The following TLK2 variants were observed in gnomAD, a reference collection of about 807,000 sequenced individuals.
The protein encoded by TLK2 is serine/threonine-protein kinase tousled-like 2.
TLK2 carries 6 observed loss-of-function variants against 117.3 expected under a neutral mutation model. The ratio of observed to expected loss-of-function variants is 0.05; its 90% CI spans 0.03 to 0.10. TLK2 has a LOEUF of 0.10. Ranked by LOEUF, TLK2 falls within the 10% of genes least tolerant of loss-of-function variation. The pLI is 1.00. For missense variants in TLK2, 299 were observed against 901.2 expected (o/e 0.33, Z 8.56); for synonymous variants, 257 against 316.7 (o/e 0.81, Z 2.00).
intron 19 of TLK2, among the ~76,000 whole-genome samples, chr17:62,603,127 T>C (rs551537419): frequency 8.8e-4 from 134 of 152,300 alleles, no homozygotes; most frequent in African/African-American, 3.0e-3. Flanking sequence ...TCTTTGGAAC[T>C]GAAAGGTCCT....
At chr17:62,476,374 G>A (rs1305646729), upstream of TLK2, among the ~76,000 whole-genome samples, 1 of 151,042 alleles carries the variant, frequency 6.6e-6, no homozygotes, top group Admixed American at 6.6e-5. Context: ...ACGAGGTCAG[G>A]AGTTCGAGAC....
chr17:62,501,137 C>G (rs1001140986), intron 2 of TLK2, among the ~76,000 whole-genome samples: 3 of 152,122 alleles, frequency 2.0e-5, no homozygotes, highest in African/African-American at 7.2e-5. Flanking sequence ...ACATGGGAGG[C>G]TGAGGCAGGA....
At chr17:62,572,213 A>G (rs2080363735) in intron 11 of TLK2, among the ~76,000 whole-genome samples, 1 of 152,000 alleles carries the variant, frequency 6.6e-6, no homozygotes, top group Admixed American at 6.6e-5. Flanking sequence ...ATTCCACAAA[A>G]ATGAAGGTTG....
intron 1 of TLK2, among the ~76,000 whole-genome samples, chr17:62,473,579 C>T (rs529936606): frequency 6.6e-6 from 1 of 152,336 alleles, no homozygotes; most frequent in East Asian, 1.9e-4. Context: ...AGCCCCACCC[C>T]AGACTGGCTG....
At chr17:62,599,761 GT>G (rs1030079898) in intron 17 of TLK2, among the ~76,000 whole-genome samples, 1 of 151,520 alleles carries the variant, frequency 6.6e-6, no homozygotes, top group East Asian at 1.9e-4. Context: ...TGTTCAGGTG[GT>G]TTTTTTTTCC....
intron 14 of TLK2, 76 bp from the exon 15 acceptor site, chr17:62,580,035 A>T: frequency 1.8e-6 from 2 of 1,131,484 alleles, no homozygotes; most frequent in Non-Finnish European, 1.3e-6. Flanking sequence ...AATGTGTTAG[A>T]TATTCTGGGA....
chr17:62,506,690 T>A (rs1006841070), intron 2 of TLK2, among the ~76,000 whole-genome samples: 9 of 152,188 alleles, frequency 5.9e-5, no homozygotes, highest in Non-Finnish European at 1.2e-4. Flanking sequence ...TTTGTTTTCT[T>A]TACTGTGAAT....
chr17:62,495,969 A>G (rs1306004716), intron 2 of TLK2, among the ~76,000 whole-genome samples: 1 of 151,910 alleles, frequency 6.6e-6, no homozygotes, highest in Non-Finnish European at 1.5e-5. Flanking sequence ...CCTGGCCCCA[A>G]AATTAAAATT....
At chr17:62,543,339 C>T (rs905714687) in intron 7 of TLK2, among the ~76,000 whole-genome samples, 10 of 152,104 alleles carry the variant, frequency 6.6e-5, no homozygotes, top group Non-Finnish European at 2.9e-5. Context: ...TTTGTGTAGA[C>T]ATACGTTTTC....
chr17:62,548,344 C>T (rs1310758220), intron 7 of TLK2, among the ~76,000 whole-genome samples: 4 of 149,486 alleles, frequency 2.7e-5, no homozygotes, highest in South Asian at 4.2e-4. Context: ...TGCAGTGGTA[C>T]GATCTCGACT....
At chr17:62,475,112 T>C (rs756137702), upstream of TLK2, among the ~76,000 whole-genome samples, 30 of 152,218 alleles carry the variant, frequency 2.0e-4, no homozygotes, top group Middle Eastern at 3.4e-3. Context: ...TTGTTAGGAA[T>C]TGGAAGAAGA....
chr17:62,572,176 CAAAAAAA>C (rs111925931), intron 11 of TLK2, among the ~76,000 whole-genome samples: 3 of 54,600 alleles, frequency 5.5e-5, no homozygotes, highest in African/African-American at 1.3e-4. Context: ...GGCTCTGTCT[CAAAAAAA>C]AAAAAAAAAA....
chr17:62,483,811 A>G (rs1246270634), intron 2 of TLK2, among the ~76,000 whole-genome samples: 1 of 150,482 alleles, frequency 6.6e-6, no homozygotes, highest in African/African-American at 2.5e-5. Flanking sequence ...CTTTATTTCC[A>G]GTTGTTTTTA....
At chr17:62,472,327 C>T (rs1160022360) in intron 1 of TLK2, among the ~76,000 whole-genome samples, 1 of 152,158 alleles carries the variant, frequency 6.6e-6, no homozygotes, top group African/African-American at 2.4e-5. Flanking sequence ...TAGTAAGCAG[C>T]GCCTGTCTGT....
At chr17:62,491,692 A>G (rs916838954) in intron 2 of TLK2, among the ~76,000 whole-genome samples, 29 of 152,130 alleles carry the variant, frequency 1.9e-4, no homozygotes, top group Admixed American at 6.6e-5. Context: ...GGGTTCAAGC[A>G]ATTCTGCCTC....
chr17:62,531,866 C>T (rs1266038759), intron 6 of TLK2, among the ~76,000 whole-genome samples: 2 of 152,144 alleles, frequency 1.3e-5, no homozygotes, highest in Non-Finnish European at 2.9e-5. Flanking sequence ...TCCTGGCAGC[C>T]ATCTGAGGGT....
intron 16 of TLK2, among the ~76,000 whole-genome samples, chr17:62,588,030 CGTATACATCTGTATATGTATAAAAT>C (rs2146939290): frequency 7.6e-6 from 1 of 131,446 alleles, no homozygotes; most frequent in East Asian, 2.3e-4. Flanking sequence ...ATAAAATATA[CGTATACATCTGTATATGTATAAAAT>C]ATACGTATAC....
At chr17:62,513,536 G>A in intron 2 of TLK2, among the ~76,000 whole-genome samples, 1 of 151,944 alleles carries the variant, frequency 6.6e-6, no homozygotes, top group East Asian at 1.9e-4. Context: ...TGTTGCCCAG[G>A]CTGGTCTCAA....
chr17:62,529,234 T>G (rs1287124188), intron 6 of TLK2, among the ~76,000 whole-genome samples: 1 of 152,180 alleles, frequency 6.6e-6, no homozygotes, highest in Non-Finnish European at 1.5e-5. Flanking sequence ...TGCTTTATTT[T>G]TTAATTTTAA....
Sources: allele counts gnomAD v4.1 joint callset (sites outside exome capture counted in the v4.1 genomes callset), GRCh38; gene constraint gnomAD v4.1.1; transcripts MANE v1.5; gene names NCBI Gene and HGNC (gene_info 2026-07-23, HGNC 2026-07-21).